Variants in ZFAT observed in about 807,000 individuals in gnomAD.
The protein encoded by ZFAT is zinc finger and AT-hook domain containing.
Under a neutral mutation model 117.7 loss-of-function variants are expected in ZFAT, and 64 were observed. The observed-to-expected ratio is 0.54, with a 90% CI of 0.44 to 0.67. The LOEUF is 0.67. Among genes scored for constraint, ZFAT ranks in the 30% least tolerant of loss-of-function variants. ZFAT has a pLI of 0.00. For missense variants in ZFAT, 1,433 were observed against 1,584.5 expected (o/e 0.90, Z 1.62); for synonymous variants, 679 against 615.0 (o/e 1.10, Z -1.54).
At chr8:134,566,412 ATTAAGGTTTTAGCAATAT>A (rs1294263093) in intron 10 of ZFAT, among the ~76,000 whole-genome samples, 77 of 149,230 alleles carry the variant, frequency 5.2e-4, no homozygotes, top group Middle Eastern at 7.1e-3. Context: ...AAAAAAAAAG[ATTAAGGTTTTAGCAATAT>A]TTAAACATTC....
intron 1 of ZFAT, among the ~76,000 whole-genome samples, chr8:134,660,318 C>G (rs1180467618): frequency 6.6e-6 from 1 of 152,202 alleles, no homozygotes; most frequent in Non-Finnish European, 1.5e-5. Context: ...CTGAGTTCCT[C>G]CAAGTTATAG....
At chr8:134,502,930 C>G (rs572232655) in intron 15 of ZFAT, among the ~76,000 whole-genome samples, 1 of 152,286 alleles carries the variant, frequency 6.6e-6, no homozygotes, top group South Asian at 2.1e-4. Context: ...GGAAAACAAC[C>G]AACAAAAGAG....
chr8:134,820,074 T>G, the ZFAT span, among the ~76,000 whole-genome samples: 1 of 152,364 alleles, frequency 6.6e-6, no homozygotes, highest in East Asian at 1.9e-4. Context: ...TGCTATTAAA[T>G]GCTGATTAAT....
chr8:134,624,462 C>T (rs771358060), intron 3 of ZFAT, among the ~76,000 whole-genome samples: 4 of 151,958 alleles, frequency 2.6e-5, no homozygotes, highest in African/African-American at 4.8e-5. Flanking sequence ...TTGAGACCAG[C>T]GTGGCTAACA....
At chr8:134,496,166 T>C (rs1818421763) in intron 15 of ZFAT, among the ~76,000 whole-genome samples, 1 of 152,210 alleles carries the variant, frequency 6.6e-6, no homozygotes, top group African/African-American at 2.4e-5. Flanking sequence ...GTGGCTTCAT[T>C]TTGCATAATT....
the ZFAT span, among the ~76,000 whole-genome samples, chr8:134,724,792 C>T: frequency 6.6e-6 from 1 of 152,238 alleles, no homozygotes; most frequent in South Asian, 2.1e-4. Context: ...AAACTCGCCT[C>T]CCTTCCCCTT....
chr8:134,492,941 G>A (rs1187274444), intron 15 of ZFAT, among the ~76,000 whole-genome samples: 1 of 152,188 alleles, frequency 6.6e-6, no homozygotes, highest in Non-Finnish European at 1.5e-5. Flanking sequence ...GAGATTTAAA[G>A]CCTTTTAGGG....
chr8:134,697,023 T>G (rs1833875949), intron 1 of ZFAT, among the ~76,000 whole-genome samples: 1 of 151,582 alleles, frequency 6.6e-6, no homozygotes, highest in Admixed American at 6.6e-5. Context: ...GTTCAAGCGA[T>G]CCTCCCACCT....
chr8:134,760,096 G>T, the ZFAT span, among the ~76,000 whole-genome samples: 3 of 150,830 alleles, frequency 2.0e-5, no homozygotes, highest in South Asian at 2.1e-4. Flanking sequence ...GTGAAACCCC[G>T]TCTCTACTAA....
chr8:134,781,338 T>A, the ZFAT span, among the ~76,000 whole-genome samples: 7 of 152,264 alleles, frequency 4.6e-5, no homozygotes, highest in African/African-American at 1.7e-4. Context: ...TCACCCAAGC[T>A]GGTATATACT....
chr8:134,499,782 A>G (rs565013279), intron 15 of ZFAT, among the ~76,000 whole-genome samples: 2 of 152,352 alleles, frequency 1.3e-5, no homozygotes, highest in East Asian at 3.9e-4. Context: ...GAAGGCGGTA[A>G]GGCCGGGGGC....
chr8:134,753,439 C>T, the ZFAT span, among the ~76,000 whole-genome samples: 23 of 152,294 alleles, frequency 1.5e-4, no homozygotes, highest in East Asian at 4.4e-3. Flanking sequence ...CTGACACACT[C>T]GCACATGACT....
chr8:134,652,214 C>G (rs1188075271), intron 2 of ZFAT, among the ~76,000 whole-genome samples: 1 of 152,144 alleles, frequency 6.6e-6, no homozygotes, highest in Non-Finnish European at 1.5e-5. Context: ...TAGCAGTGAG[C>G]CCAGATCGTG....
chr8:134,719,011 G>T, the ZFAT span, among the ~76,000 whole-genome samples: 3 of 152,130 alleles, frequency 2.0e-5, no homozygotes, highest in East Asian at 5.8e-4. Flanking sequence ...GGACAGCATC[G>T]GGAGCACACT....
rs368188249 is a variant in ZFAT at position 134,602,265 on chromosome 8, T to C, written c.1454A>G (p.Gln485Arg). 8.1e-6 allele frequency: 13 copies of C among 1,613,846 alleles called. No individual in the cohort carries two copies. The African/African-American group carries it at 1.6e-4, about 20-fold the overall frequency. ...THIKEVHGAA[Q>R]EALVFTSSIN... ...GGAACTGGTGAAGACCAAGGCCTCC[T>C]GGGCAGCCCCGTGCACCTCTTTGAT... The change falls in exon 6 of 16, where the codon CAG becomes CGG. Residue 485 changes from glutamine (Q) to arginine (R), a missense_variant. Coordinates refer to ENST00000377838, the MANE Select transcript of ZFAT (RefSeq NM_020863.4).
At chr8:134,638,900 T>C (rs1452358158) in intron 2 of ZFAT, among the ~76,000 whole-genome samples, 7 of 151,788 alleles carry the variant, frequency 4.6e-5, no homozygotes, top group Admixed American at 2.0e-4. Flanking sequence ...CAGTCATCTG[T>C]CTGGCAGAGG....
chr8:134,494,645 G>A (rs140629482), intron 15 of ZFAT, among the ~76,000 whole-genome samples: 689 of 152,278 alleles, frequency 4.5e-3, no homozygotes, highest in Non-Finnish European at 7.2e-3. Context: ...GACCCAGGTC[G>A]TATTCCTCCC....
At chr8:134,576,015 A>G (rs1825271187) in intron 10 of ZFAT, among the ~76,000 whole-genome samples, 2 of 152,188 alleles carry the variant, frequency 1.3e-5, no homozygotes, top group Non-Finnish European at 2.9e-5. Flanking sequence ...GGAGGGATGG[A>G]TCAGCATAAG....
the ZFAT span, among the ~76,000 whole-genome samples, chr8:134,719,871 G>A: frequency 0.1 from 15,779 of 152,252 alleles, 1,023 homozygotes; most frequent in Non-Finnish European, 0.16. Context: ...AGAAAGGAGA[G>A]GTACCTAGAC....
Sources: allele counts gnomAD v4.1 joint callset (sites outside exome capture counted in the v4.1 genomes callset), GRCh38; gene constraint gnomAD v4.1.1; transcripts MANE v1.5; gene names NCBI Gene and HGNC (gene_info 2026-07-23, HGNC 2026-07-21).